Variants in LRP1B observed in about 807,000 individuals in gnomAD.
The protein encoded by LRP1B is low-density lipoprotein receptor-related protein 1B.
A neutral mutation model predicts 556.6 loss-of-function variants in LRP1B; 217 were observed. That is an observed-to-expected ratio of 0.39 (90% CI 0.35 to 0.44). LRP1B has a LOEUF of 0.44. LRP1B is among the 20% of genes least tolerant of loss of function. The pLI, the probability that LRP1B is intolerant of heterozygous loss-of-function variation, is 1.00. For missense variants in LRP1B, 5,053 were observed against 5,620.8 expected (o/e 0.90, Z 3.23); for synonymous variants, 2,047 against 1,865.8 (o/e 1.10, Z -2.50).
intron 41 of LRP1B, among the ~76,000 whole-genome samples, chr2:140,622,883 A>G (rs1356463067): frequency 6.6e-6 from 1 of 152,194 alleles, no homozygotes; most frequent in African/African-American, 2.4e-5. Context: ...TACTGCCCAC[A>G]TTTAAACTGA....
At chr2:141,505,022 A>G (rs778002111) in intron 2 of LRP1B, among the ~76,000 whole-genome samples, 102 of 152,174 alleles carry the variant, frequency 6.7e-4, no homozygotes, top group Non-Finnish European at 1.3e-3. Context: ...GTTTAAACTT[A>G]CTTGTATTAG....
At chr2:140,504,847 A>G (rs1689339710) in intron 53 of LRP1B, among the ~76,000 whole-genome samples, 3 of 152,032 alleles carry the variant, frequency 2.0e-5, no homozygotes, top group Admixed American at 2.0e-4. Context: ...TAACCCCCTA[A>G]CTAGTTTATT....
intron 7 of LRP1B, among the ~76,000 whole-genome samples, chr2:141,096,627 GGGGAGAGAGAGA>G (rs1165366040): frequency 0.015 from 753 of 50,522 alleles, 20 homozygotes; most frequent in Non-Finnish European, 0.017. Flanking sequence ...ACGGGGAGAG[GGGGAGAGAGAGA>G]GAGAGAGAGA....
At chr2:141,186,119 G>A (rs1044995309) in intron 7 of LRP1B, among the ~76,000 whole-genome samples, 16 of 144,312 alleles carry the variant, frequency 1.1e-4, no homozygotes, top group African/African-American at 4.1e-4. Flanking sequence ...TTAAGTAACA[G>A]GTACTTTCTC....
At chr2:140,511,319 T>TTTTTTTTTTTTTTTTTG (rs1553477418) in intron 51 of LRP1B, among the ~76,000 whole-genome samples, 1 of 145,730 alleles carries the variant, frequency 6.9e-6, no homozygotes, top group African/African-American at 2.6e-5. Flanking sequence ...TTTTTTTTTT[T>TTTTTTTTTTTTTTTTTG]GAGACGGAGT....
At chr2:141,689,579 GAAAC>G (rs1377042057) in intron 2 of LRP1B, among the ~76,000 whole-genome samples, 5 of 151,672 alleles carry the variant, frequency 3.3e-5, no homozygotes, top group African/African-American at 1.2e-4. Flanking sequence ...ATTGTTTAGA[GAAAC>G]AAAACTCATA....
intron 3 of LRP1B, among the ~76,000 whole-genome samples, chr2:141,377,766 G>A (rs888030055): frequency 2.5e-4 from 38 of 151,912 alleles, no homozygotes; most frequent in African/African-American, 8.9e-4. Flanking sequence ...AAATACCACA[G>A]CCCCTATATT....
chr2:142,040,760 G>T (rs1704037975), intron 1 of LRP1B, among the ~76,000 whole-genome samples: 1 of 151,156 alleles, frequency 6.6e-6, no homozygotes, highest in Admixed American at 6.6e-5. Context: ...ATTTTCAAAG[G>T]AAATGGAAGA....
intron 20 of LRP1B, among the ~76,000 whole-genome samples, chr2:140,927,156 T>C (rs1270139124): frequency 6.6e-6 from 1 of 151,916 alleles, no homozygotes; most frequent in African/African-American, 2.4e-5. Context: ...TATACAAAAA[T>C]TAGCTAGGTG....
chr2:141,385,895 A>G (rs1209581780), intron 3 of LRP1B, among the ~76,000 whole-genome samples: 1 of 152,128 alleles, frequency 6.6e-6, no homozygotes, highest in Non-Finnish European at 1.5e-5. Context: ...CTCTAAATAC[A>G]TTATTTTTTC....
intron 41 of LRP1B, among the ~76,000 whole-genome samples, chr2:140,637,571 C>T (rs929230570): frequency 1.3e-5 from 2 of 151,876 alleles, no homozygotes; most frequent in African/African-American, 4.8e-5. Context: ...TTTTAGAGTT[C>T]AATTTTTTTT....
intron 2 of LRP1B, among the ~76,000 whole-genome samples, chr2:141,651,219 C>T (rs959104261): frequency 1.3e-4 from 19 of 151,976 alleles, no homozygotes; most frequent in Non-Finnish European, 2.6e-4. Flanking sequence ...AGTGTCCAAA[C>T]TAATGCATAA....
chr2:141,298,838 C>T (rs1276801728), intron 3 of LRP1B, among the ~76,000 whole-genome samples: 1 of 151,628 alleles, frequency 6.6e-6, no homozygotes, highest in Non-Finnish European at 1.5e-5. Context: ...CCTGTAATCC[C>T]AGCTACTTGG....
intron 3 of LRP1B, among the ~76,000 whole-genome samples, chr2:141,338,935 C>T (rs1373892384): frequency 6.6e-6 from 1 of 151,930 alleles, no homozygotes; most frequent in Non-Finnish European, 1.5e-5. Flanking sequence ...TTTTCTCATG[C>T]CTTCTCCCTA....
intron 28 of LRP1B, among the ~76,000 whole-genome samples, chr2:140,851,088 T>C (rs1303307983): frequency 6.6e-6 from 1 of 152,152 alleles, no homozygotes; most frequent in African/African-American, 2.4e-5. Context: ...TGCAAATAAA[T>C]AAAATTATTA....
chr2:142,086,645 A>AACAAACAAAC (rs1559063426), intron 1 of LRP1B, among the ~76,000 whole-genome samples: 10 of 151,896 alleles, frequency 6.6e-5, no homozygotes, highest in African/African-American at 2.4e-4. Flanking sequence ...ACAAACAAAA[A>AACAAACAAAC]AAAAACACAA....
At chr2:140,864,775 T>C (rs949493968) in intron 27 of LRP1B, among the ~76,000 whole-genome samples, 13 of 152,072 alleles carry the variant, frequency 8.5e-5, no homozygotes, top group Admixed American at 7.2e-4. Context: ...ACCTACATTG[T>C]GTTAAATGGT....
chr2:140,345,662 A>G (rs1048159944), intron 77 of LRP1B, among the ~76,000 whole-genome samples: 24 of 144,006 alleles, frequency 1.7e-4, no homozygotes, highest in African/African-American at 4.7e-4. Context: ...GTGTGTGTGT[A>G]TATATATATA....
intron 1 of LRP1B, among the ~76,000 whole-genome samples, chr2:141,833,504 A>G (rs2105748953): frequency 6.6e-6 from 1 of 152,022 alleles, no homozygotes; most frequent in African/African-American, 2.4e-5. Flanking sequence ...AGAGTAAAAC[A>G]GTGACAGAGT....
Sources: allele counts gnomAD v4.1 joint callset (sites outside exome capture counted in the v4.1 genomes callset), GRCh38; gene constraint gnomAD v4.1.1; transcripts MANE v1.5; gene names NCBI Gene and HGNC (gene_info 2026-07-23, HGNC 2026-07-21).